The following IL1RAPL1 variants were observed in gnomAD, a reference collection of about 807,000 sequenced individuals.
IL1RAPL1 encodes interleukin-1 receptor accessory protein-like 1.
A neutral mutation model predicts 48.4 loss-of-function variants in IL1RAPL1; 3 were observed. That is an observed-to-expected ratio of 0.06 (90% CI 0.03 to 0.16). IL1RAPL1 has a LOEUF of 0.16. IL1RAPL1 is among the 10% of genes least tolerant of loss of function. The probability of loss-of-function intolerance (pLI) is 1.00; values close to 1 mark genes in which losing one functional copy is unlikely to be tolerated. For missense variants in IL1RAPL1, 349 were observed against 530.6 expected, an observed-to-expected ratio of 0.66 and a Z score of 3.36; for synonymous variants, 185 against 187.7, an observed-to-expected ratio of 0.99 and a Z score of 0.12.
At chrX:29,456,800 T>G (rs1185312561) in intron 5 of IL1RAPL1, among the ~76,000 whole-genome samples, 2 of 111,556 alleles carry the variant, frequency 1.8e-5, no homozygotes, top group African/African-American at 6.5e-5. Context: ...TTTTTTCTAA[T>G]AACACTTGAA....
intron 2 of IL1RAPL1, among the ~76,000 whole-genome samples, chrX:28,845,482 A>G (rs1002044907): frequency 5.4e-5 from 6 of 111,560 alleles, no homozygotes; most frequent in Admixed American, 2.9e-4. Flanking sequence ...CTGTACCTCT[A>G]TATCTGGTCA....
At chrX:29,301,407 T>C (rs1385174635) in intron 3 of IL1RAPL1, among the ~76,000 whole-genome samples, 3 of 112,223 alleles carry the variant, frequency 2.7e-5, no homozygotes, top group African/African-American at 9.7e-5. Flanking sequence ...GCTACTCACA[T>C]AAAAATGTTA....
intron 3 of IL1RAPL1, among the ~76,000 whole-genome samples, chrX:29,348,505 T>C (rs1933181677): frequency 8.9e-6 from 1 of 111,839 alleles, no homozygotes; most frequent in African/African-American, 3.2e-5. Flanking sequence ...TTGACTAAGA[T>C]AGTAAGAATG....
intron 5 of IL1RAPL1, among the ~76,000 whole-genome samples, chrX:29,623,174 C>T (rs1457912329): frequency 2.8e-5 from 3 of 106,545 alleles, no homozygotes; most frequent in South Asian, 8.3e-4. Flanking sequence ...CCCAGCTACT[C>T]GGGAGGCTGA....
chrX:29,493,979 C>G (rs1429173731), intron 5 of IL1RAPL1, among the ~76,000 whole-genome samples: 1 of 111,660 alleles, frequency 9.0e-6, no homozygotes, highest in African/African-American at 3.3e-5. Flanking sequence ...ACGGCAACCT[C>G]TGCCTCCCAG....
intron 5 of IL1RAPL1, among the ~76,000 whole-genome samples, chrX:29,571,081 A>G (rs1027869194): frequency 2.7e-5 from 3 of 110,783 alleles, no homozygotes; most frequent in Non-Finnish European, 3.8e-5. Context: ...AATTAGCCAG[A>G]CGTGGTGGCG....
At chrX:28,611,009 T>A (rs936682914) in intron 1 of IL1RAPL1, among the ~76,000 whole-genome samples, 1 of 110,780 alleles carries the variant, frequency 9.0e-6, no homozygotes, top group African/African-American at 3.3e-5. Context: ...ACAAAATAAA[T>A]CAGTTCCCTC....
intron 2 of IL1RAPL1, among the ~76,000 whole-genome samples, chrX:29,078,680 T>G (rs1927737555): frequency 8.9e-6 from 1 of 112,202 alleles, no homozygotes; most frequent in African/African-American, 3.2e-5. Context: ...AGATCAGTAT[T>G]TATTCTATAC....
intron 1 of IL1RAPL1, among the ~76,000 whole-genome samples, chrX:28,633,249 T>A (rs1212385024): frequency 1.8e-5 from 2 of 111,269 alleles, no homozygotes; most frequent in South Asian, 7.7e-4. Flanking sequence ...GGTATTATTA[T>A]GAAAATAGTA....
At chrX:29,128,944 A>G (rs1362514877) in intron 2 of IL1RAPL1, among the ~76,000 whole-genome samples, 1 of 111,265 alleles carries the variant, frequency 9.0e-6, no homozygotes, top group Non-Finnish European at 1.9e-5. Flanking sequence ...CTAATTTGCA[A>G]TTCAAAACCA....
chrX:29,071,876 G>A (rs1228229601), intron 2 of IL1RAPL1, among the ~76,000 whole-genome samples: 1 of 111,888 alleles, frequency 8.9e-6, no homozygotes, highest in Non-Finnish European at 1.9e-5. Context: ...CTAAAGTATT[G>A]CACATACCCA....
intron 2 of IL1RAPL1, among the ~76,000 whole-genome samples, chrX:29,252,878 A>G (rs1298343577): frequency 9.0e-6 from 1 of 111,277 alleles, no homozygotes; most frequent in Non-Finnish European, 1.9e-5. Context: ...TTTATAAGTA[A>G]TTGTATAAAC....
chrX:28,794,683 A>G (rs1237086378), intron 2 of IL1RAPL1, among the ~76,000 whole-genome samples: 2 of 111,980 alleles, frequency 1.8e-5, no homozygotes, highest in Non-Finnish European at 3.8e-5. Context: ...ATTCTTCTAG[A>G]CAGCAAGAGG....
At chrX:29,458,395 A>G (rs1934763401) in intron 5 of IL1RAPL1, among the ~76,000 whole-genome samples, 2 of 111,774 alleles carry the variant, frequency 1.8e-5, no homozygotes, top group Admixed American at 1.9e-4. Context: ...TTAGCTCAAC[A>G]TCCTGAAATA....
intron 5 of IL1RAPL1, among the ~76,000 whole-genome samples, chrX:29,625,563 C>G (rs998980447): frequency 8.9e-6 from 1 of 111,883 alleles, no homozygotes; most frequent in African/African-American, 3.2e-5. Flanking sequence ...CTACACAATT[C>G]TATATTTCTG....
At chrX:29,061,758 C>T (rs1927346814) in intron 2 of IL1RAPL1, among the ~76,000 whole-genome samples, 1 of 112,680 alleles carries the variant, frequency 8.9e-6, no homozygotes, top group Non-Finnish European at 1.9e-5. Flanking sequence ...CGCTCCTGGC[C>T]ACGTGTTTTA....
At chrX:29,732,036 G>A (rs1256747014) in intron 6 of IL1RAPL1, among the ~76,000 whole-genome samples, 3 of 111,741 alleles carry the variant, frequency 2.7e-5, no homozygotes, top group Non-Finnish European at 5.6e-5. Flanking sequence ...CTGAGGCCAG[G>A]GAATTTTGTT....
At chrX:28,942,495 T>C (rs1924187424) in intron 2 of IL1RAPL1, 1 of 108,435 alleles carries the variant, frequency 9.2e-6, no homozygotes, top group Non-Finnish European at 1.9e-5. Flanking sequence ...TTCTAGGAAG[T>C]ATCCCTAAAT....
intron 1 of IL1RAPL1, among the ~76,000 whole-genome samples, chrX:28,736,180 T>A (rs2146949458): frequency 9.0e-6 from 1 of 111,229 alleles, no homozygotes; most frequent in Admixed American, 9.6e-5. Flanking sequence ...ACACCTGTAA[T>A]CTCAGCACTT....
Sources: gnomAD v4.1 joint callset for allele counts (sites outside exome capture counted in the v4.1 genomes callset) on GRCh38, gnomAD v4.1.1 for gene constraint, MANE v1.5 for transcripts, NCBI Gene and HGNC (gene_info 2026-07-23, HGNC 2026-07-21) for gene names.